GPC5: variants seen among roughly 807,000 people sequenced by gnomAD.
GPC5 encodes glypican-5.
GPC5 carries 47 observed loss-of-function variants against 53.9 expected under a neutral mutation model. The ratio of observed to expected loss-of-function variants is 0.87; its 90% CI spans 0.69 to 1.11. The LOEUF (loss-of-function observed/expected upper bound fraction) is 1.11, where lower values mean the gene tolerates loss of function less well. Among genes scored for constraint, GPC5 ranks in the 50% most tolerant of loss-of-function variants. GPC5 has a pLI of 0.00. For missense variants in GPC5, 748 were observed against 713.1 expected, an observed-to-expected ratio of 1.05 and a Z score of -0.56; for synonymous variants, 286 against 263.3, an observed-to-expected ratio of 1.09 and a Z score of -0.84.
At chr13:92,499,777 C>A (rs1880114238) in intron 7 of GPC5, among the ~76,000 whole-genome samples, 1 of 152,106 alleles carries the variant, frequency 6.6e-6, no homozygotes, top group South Asian at 2.1e-4. Flanking sequence ...CTAAGTGAAT[C>A]TTCTTGTTAC....
chr13:92,561,486 A>G (rs1356418345), intron 7 of GPC5, among the ~76,000 whole-genome samples: 3 of 152,020 alleles, frequency 2.0e-5, no homozygotes, highest in Admixed American at 6.6e-5. Flanking sequence ...TCTCCTGAAC[A>G]TGTTGTAAAT....
At chr13:92,768,568 T>A (rs978440912) in intron 7 of GPC5, among the ~76,000 whole-genome samples, 8 of 152,184 alleles carry the variant, frequency 5.3e-5, no homozygotes, top group Non-Finnish European at 1.2e-4. Context: ...TTGTTCCTTT[T>A]ACCTGATTTC....
intron 3 of GPC5, among the ~76,000 whole-genome samples, chr13:91,696,562 C>A (rs562396985): frequency 3.9e-5 from 6 of 152,098 alleles, no homozygotes; most frequent in Non-Finnish European, 7.4e-5. Context: ...ACTGGAAAGC[C>A]AGCAAATAAT....
chr13:92,503,671 A>C (rs1359540762), intron 7 of GPC5, among the ~76,000 whole-genome samples: 3 of 151,922 alleles, frequency 2.0e-5, no homozygotes, highest in African/African-American at 7.2e-5. Context: ...TTATCAATAT[A>C]AAAATTATAG....
At chr13:92,391,830 A>G (rs759801570) in intron 7 of GPC5, among the ~76,000 whole-genome samples, 2 of 152,152 alleles carry the variant, frequency 1.3e-5, no homozygotes, top group Non-Finnish European at 2.9e-5. Flanking sequence ...ATCACTTTCT[A>G]GAAGGTCATG....
intron 7 of GPC5, among the ~76,000 whole-genome samples, chr13:92,655,631 G>T (rs911681872): frequency 6.6e-6 from 1 of 152,116 alleles, no homozygotes; most frequent in African/African-American, 2.4e-5. Context: ...GTGAGCCACC[G>T]CACCTGTTCG....
chr13:92,139,680 A>AAAAAAAGGTG lies in GPC5; in HGVS notation c.1402-5145_1402-5144insAGGTGAAAAA, dbSNP rs532196727. Among the ~76,000 whole-genome samples, 24 of 140,892 alleles carry AAAAAAAGGTG rather than the reference A, an allele frequency of 1.7e-4. 1 individual carries two copies. The highest frequency in any genetic ancestry group is 6.2e-4 in the African/African-American group (24 of 38,964). 92.4% of individuals were successfully genotyped at this position (140,892 alleles called of 152,430 possible). ...AGATTCCGTCTCAAAAAAAAAAAAA[A>AAAAAAAGGTG]AAAAAGTGTTATATTTAGAATATAC... On this transcript the variant is annotated intron_variant, in intron 6 of 7. Transcript: ENST00000377067.
At chr13:91,839,019 A>G (rs547415512) in intron 5 of GPC5, among the ~76,000 whole-genome samples, 10 of 152,174 alleles carry the variant, frequency 6.6e-5, no homozygotes, top group Non-Finnish European at 1.2e-4. Context: ...ATTACTCTGT[A>G]TACTGCACAC....
rs368701623 is a variant in GPC5 at position 92,678,410 on chromosome 13, G to T, written c.1562-187872G>T. On this transcript the variant is annotated intron_variant, in intron 7 of 7. Transcript: ENST00000377067. The stretch of plus-strand genomic sequence containing the variant: ...TGAAGATTCTGTTTTAAATATGGTT[G>T]CCAGGTACGTCCTTACTGTATAAGA... 7.3e-5 allele frequency among the ~76,000 whole-genome samples: 11 copies of T among 151,116 alleles called. No individual in the cohort carries two copies. The East Asian group carries it at 1.7e-3, about 24-fold the overall frequency.
At chr13:91,626,976 A>G (rs576806673) in intron 2 of GPC5, among the ~76,000 whole-genome samples, 42 of 130,888 alleles carry the variant, frequency 3.2e-4, no homozygotes, top group Non-Finnish European at 5.7e-4. Context: ...AGCTTCATCC[A>G]TGTCCCTACA....
chr13:91,824,632 A>C (rs967464518), intron 5 of GPC5, among the ~76,000 whole-genome samples: 18 of 152,200 alleles, frequency 1.2e-4, no homozygotes, highest in African/African-American at 4.3e-4. Flanking sequence ...AAATAGAATC[A>C]CATATTCAAA....
At chr13:91,988,397 G>A (rs1364713578) in intron 6 of GPC5, among the ~76,000 whole-genome samples, 11 of 152,060 alleles carry the variant, frequency 7.2e-5, no homozygotes, top group Non-Finnish European at 1.0e-4. Context: ...AGAAAGCTTC[G>A]CAGCATGAAA....
At chr13:91,806,003 C>T (rs559973368) in intron 5 of GPC5, among the ~76,000 whole-genome samples, 57 of 144,602 alleles carry the variant, frequency 3.9e-4, no homozygotes, top group African/African-American at 1.4e-3. Flanking sequence ...TCTATGTGAA[C>T]CTTCAACAAA....
At chr13:92,042,482 A>T (rs1414937239) in intron 6 of GPC5, among the ~76,000 whole-genome samples, 2 of 152,070 alleles carry the variant, frequency 1.3e-5, no homozygotes, top group Admixed American at 1.3e-4. Context: ...GATCCCTAAG[A>T]GGTAAAAACA....
intron 7 of GPC5, among the ~76,000 whole-genome samples, chr13:92,346,079 C>T (rs1484185095): frequency 2.0e-5 from 3 of 152,134 alleles, no homozygotes; most frequent in African/African-American, 7.2e-5. Context: ...GGGACACTCC[C>T]ACCCCCATAC....
intron 7 of GPC5, among the ~76,000 whole-genome samples, chr13:92,692,752 C>CTTTTTTTTTTTTTT (rs1457273874): frequency 1.3e-4 from 8 of 61,276 alleles, no homozygotes; most frequent in Admixed American, 2.4e-4. Context: ...CCAATATCGG[C>CTTTTTTTTTTTTTT]TATTTTTTTT....
chr13:92,607,965 T>TTA (rs1471258979), intron 7 of GPC5, among the ~76,000 whole-genome samples: 3 of 152,212 alleles, frequency 2.0e-5, no homozygotes, highest in Non-Finnish European at 4.4e-5. Context: ...ATGAAGACCT[T>TTA]TATAACTATC....
chr13:91,558,733 C>T (rs2031093879), intron 2 of GPC5, among the ~76,000 whole-genome samples: 1 of 152,022 alleles, frequency 6.6e-6, no homozygotes, highest in Non-Finnish European at 1.5e-5. Context: ...TCAGTGTGTT[C>T]TGCTTTGTCC....
At chr13:92,663,797 C>G (rs1326240068) in intron 7 of GPC5, among the ~76,000 whole-genome samples, 1 of 138,990 alleles carries the variant, frequency 7.2e-6, no homozygotes, top group Non-Finnish European at 1.5e-5. Flanking sequence ...TATATACACA[C>G]ACTATATATA....
Sources: allele counts gnomAD v4.1 joint callset (sites outside exome capture counted in the v4.1 genomes callset), GRCh38; gene constraint gnomAD v4.1.1; transcripts MANE v1.5; gene names NCBI Gene and HGNC (gene_info 2026-07-23, HGNC 2026-07-21).